The following DLG2 variants were observed in gnomAD, a reference collection of about 807,000 sequenced individuals.
DLG2 encodes disks large homolog 2.
A neutral mutation model predicts 132.5 loss-of-function variants in DLG2; 45 were observed. That is an observed-to-expected ratio of 0.34 (90% CI 0.27 to 0.44). DLG2 has a LOEUF of 0.44. Ranked by LOEUF, DLG2 falls within the 20% of genes least tolerant of loss-of-function variation. The probability of loss-of-function intolerance (pLI) is 1.00; values close to 1 mark genes in which losing one functional copy is unlikely to be tolerated. For missense variants in DLG2, 1,045 were observed against 1,196.9 expected (o/e 0.87, Z 1.87); for synonymous variants, 424 against 419.6 (o/e 1.01, Z -0.13).
At chr11:85,358,963 C>A (rs545942843) in intron 3 of DLG2, among the ~76,000 whole-genome samples, 1 of 152,048 alleles carries the variant, frequency 6.6e-6, no homozygotes, top group South Asian at 2.1e-4. Flanking sequence ...CACTACTCTG[C>A]GCTTTATCTA....
chr11:84,583,572 G>C (rs2099521786), intron 6 of DLG2, among the ~76,000 whole-genome samples: 1 of 152,108 alleles, frequency 6.6e-6, no homozygotes, highest in Non-Finnish European at 1.5e-5. Flanking sequence ...GTAATGTAAG[G>C]GAAAGTCTTG....
chr11:83,825,066 T>C (rs1201001447), intron 17 of DLG2, among the ~76,000 whole-genome samples: 1 of 149,468 alleles, frequency 6.7e-6, no homozygotes, highest in African/African-American at 2.4e-5. Flanking sequence ...GTTTTTTATA[T>C]ATACACATAT....
intron 3 of DLG2, among the ~76,000 whole-genome samples, chr11:85,339,905 T>C (rs1315874393): frequency 6.6e-6 from 1 of 152,156 alleles, no homozygotes; most frequent in Non-Finnish European, 1.5e-5. Context: ...TCATCACTGG[T>C]CATCAGAGAA....
chr11:85,593,646 A>G (rs1204432418), intron 3 of DLG2, among the ~76,000 whole-genome samples: 1 of 152,222 alleles, frequency 6.6e-6, no homozygotes, highest in Admixed American at 6.5e-5. Flanking sequence ...CTTCACACCC[A>G]CTATTTAAAT....
chr11:83,647,027 C>A (rs1463340400), intron 18 of DLG2: 1 of 152,062 alleles, frequency 6.6e-6, no homozygotes, highest in East Asian at 1.9e-4. Context: ...GTCTGGTGAT[C>A]CTTGCTTATA....
intron 6 of DLG2, among the ~76,000 whole-genome samples, chr11:85,110,414 T>C (rs1174496013): frequency 6.6e-6 from 1 of 151,886 alleles, no homozygotes; most frequent in Non-Finnish European, 1.5e-5. Flanking sequence ...TAAAACTCTG[T>C]CTCAAAAATA....
chr11:85,073,136 C>T (rs2066098760), intron 6 of DLG2, among the ~76,000 whole-genome samples: 1 of 151,834 alleles, frequency 6.6e-6, no homozygotes, highest in African/African-American at 2.4e-5. Flanking sequence ...TTTCCCTTTG[C>T]CATATTAACA....
intron 8 of DLG2, among the ~76,000 whole-genome samples, chr11:84,234,303 T>A (rs1302057780): frequency 6.6e-6 from 1 of 152,160 alleles, no homozygotes; most frequent in Non-Finnish European, 1.5e-5. Flanking sequence ...CTAAAGCTTT[T>A]TAATAAACTT....
intron 6 of DLG2, among the ~76,000 whole-genome samples, chr11:84,902,738 T>A (rs192335291): frequency 2.4e-4 from 36 of 152,298 alleles, no homozygotes; most frequent in Non-Finnish European, 4.1e-4. Context: ...TCTCAGGGCT[T>A]ACCCATAGTA....
At chr11:85,437,843 C>A (rs765448726) in intron 3 of DLG2, among the ~76,000 whole-genome samples, 6 of 151,800 alleles carry the variant, frequency 4.0e-5, no homozygotes, top group Non-Finnish European at 8.8e-5. Flanking sequence ...CTGTAGATAA[C>A]CTTCATGAAA....
rs1015971533 is a variant in DLG2, at chr11:84,504,948, G to A, written c.519+29622C>T. Among the ~76,000 whole-genome samples, 7 of 152,064 alleles carry A rather than the reference G, an allele frequency of 4.6e-5. No individual in the cohort carries two copies. In the Middle Eastern group the frequency reaches 0.01, roughly 222 times the overall value. On this transcript the variant is annotated intron_variant, in intron 7 of 27. Transcript: ENST00000376104. ...CTATATATAACACAAATATTTGCTCGTATTGCTATGTAATATTATGAATAG... is the reference window on the plus strand; with the variant it reads ...CTATATATAACACAAATATTTGCTCATATTGCTATGTAATATTATGAATAG...
rs2096785131 is a variant in DLG2 at position 84,213,509 on chromosome 11, A to G, written c.573+37729T>C. Among the ~76,000 whole-genome samples, 6 of 152,236 alleles carry G rather than the reference A, an allele frequency of 3.9e-5. 1 individual carries two copies. In the South Asian group the frequency reaches 1.2e-3, roughly 32 times the overall value. ...TAAAAATGTAAAATTTCCAGACTTA[A>G]GACCTACTAAATTAGAATGTATGTA... On this transcript the variant is annotated intron_variant, in intron 8 of 27. Coordinates refer to ENST00000376104, the MANE Select transcript of DLG2 (RefSeq NM_001142699.3).
At chr11:84,680,732 C>T (rs2099727091) in intron 6 of DLG2, among the ~76,000 whole-genome samples, 1 of 152,172 alleles carries the variant, frequency 6.6e-6, no homozygotes, top group Admixed American at 6.6e-5. Flanking sequence ...GAAGCAAATA[C>T]CATAGCTTGT....
intron 3 of DLG2, among the ~76,000 whole-genome samples, chr11:85,530,951 G>C (rs1205777901): frequency 2.6e-5 from 4 of 152,160 alleles, no homozygotes; most frequent in African/African-American, 9.7e-5. Flanking sequence ...GGAAGAGTTA[G>C]GGGACCACTC....
rs147055900 is a variant in DLG2, at chr11:84,815,022, G to A, written c.358-280291C>T. ...GAAGTAAGAGAAGGCTTTGGAAGAG[G>A]AAGAGGAGCATTAGGGAACCAGCAC... On this transcript the variant is annotated intron_variant, in intron 6 of 27. Transcript: ENST00000376104. Among the ~76,000 whole-genome samples the A allele has an allele frequency of 1.2e-3, 188 of 152,180 alleles. 2 individuals carry two copies. The highest frequency in any genetic ancestry group is 4.3e-3 in the African/African-American group (179 of 41,548).
At chr11:83,521,996 T>A (rs1170235535) in intron 21 of DLG2, among the ~76,000 whole-genome samples, 2 of 152,168 alleles carry the variant, frequency 1.3e-5, no homozygotes, top group African/African-American at 4.8e-5. Context: ...TCAAAAATTT[T>A]AAAGGAATAC....
intron 17 of DLG2, among the ~76,000 whole-genome samples, chr11:83,832,276 G>T (rs1448157116): frequency 3.3e-5 from 5 of 152,144 alleles, no homozygotes; most frequent in East Asian, 1.9e-4. Context: ...AATAAAAAAA[G>T]AAGAGAACAG....
chr11:84,472,066 C>T (rs2099109841), intron 7 of DLG2, among the ~76,000 whole-genome samples: 1 of 151,942 alleles, frequency 6.6e-6, no homozygotes, highest in East Asian at 1.9e-4. Context: ...CCTATTGGAG[C>T]AAATCAAGTG....
intron 6 of DLG2, among the ~76,000 whole-genome samples, chr11:85,057,936 G>A (rs1175678412): frequency 6.6e-6 from 1 of 151,150 alleles, no homozygotes; most frequent in Non-Finnish European, 1.5e-5. Context: ...AGAACAAAAG[G>A]GAATGACTTT....
Sources: allele counts gnomAD v4.1 joint callset (sites outside exome capture counted in the v4.1 genomes callset), GRCh38; gene constraint gnomAD v4.1.1; transcripts MANE v1.5; gene names NCBI Gene and HGNC (gene_info 2026-07-23, HGNC 2026-07-21).